RIN2: variants seen among roughly 807,000 people sequenced by gnomAD.
RIN2 encodes the protein Ras and Rab interactor 2.
A neutral mutation model predicts 78.0 loss-of-function variants in RIN2; 36 were observed. The observed-to-expected ratio is 0.46, with a 90% CI of 0.35 to 0.61. RIN2 has a LOEUF of 0.61. Ranked by LOEUF, RIN2 falls within the 20% of genes least tolerant of loss-of-function variation. The pLI is 0.00. For missense variants in RIN2, 1,087 were observed against 1,159.7 expected (o/e 0.94, Z 0.91); for synonymous variants, 466 against 466.8 (o/e 1.00, Z 0.02).
intron 2 of RIN2, among the ~76,000 whole-genome samples, chr20:19,853,524 C>T (rs2037061165): frequency 6.6e-6 from 1 of 152,184 alleles, no homozygotes; most frequent in Non-Finnish European, 1.5e-5. Flanking sequence ...TCCTGTTTCT[C>T]CACATCCTCT....
intron 2 of RIN2, among the ~76,000 whole-genome samples, chr20:19,883,227 G>A (rs917863497): frequency 1.3e-5 from 2 of 152,176 alleles, no homozygotes; most frequent in Non-Finnish European, 2.9e-5. Context: ...GATGCCTGCA[G>A]GGGTGGCGAA....
chr20:19,823,386 TG>T (rs35040175), intron 2 of RIN2: 226,731 of 593,482 alleles, frequency 0.38, 28,104 homozygotes, highest in Middle Eastern at 0.51. Flanking sequence ...CTGCTCTGCC[TG>T]CTTTTTTTTT....
chr20:19,980,444 C>G (rs1468527097), intron 9 of RIN2, among the ~76,000 whole-genome samples: 2 of 152,158 alleles, frequency 1.3e-5, no homozygotes, highest in African/African-American at 4.8e-5. Context: ...TGACAGCCTG[C>G]ACAAGGGGGC....
chr20:19,986,468 C>T (rs889885217), intron 9 of RIN2, among the ~76,000 whole-genome samples: 1 of 152,082 alleles, frequency 6.6e-6, no homozygotes, highest in Non-Finnish European at 1.5e-5. Context: ...TTTCAGAAAA[C>T]GGGCTACTCC....
At chr20:19,885,772 A>G (rs1163543100) in intron 2 of RIN2, among the ~76,000 whole-genome samples, 1 of 152,198 alleles carries the variant, frequency 6.6e-6, no homozygotes, top group Non-Finnish European at 1.5e-5. Flanking sequence ...AAAAAAAAGC[A>G]TATGAGGTAA....
At chr20:19,760,504 C>A (rs1002284499) in intron 1 of RIN2, among the ~76,000 whole-genome samples, 2 of 152,154 alleles carry the variant, frequency 1.3e-5, no homozygotes, top group East Asian at 3.9e-4. Context: ...CTTATCCCCA[C>A]CCAAGGTGTC....
At chr20:19,893,969 G>A (rs553773446) in intron 3 of RIN2, among the ~76,000 whole-genome samples, 11 of 152,264 alleles carry the variant, frequency 7.2e-5, no homozygotes, top group East Asian at 5.8e-4. Context: ...CTACTCAGGA[G>A]GCTGAGGCAG....
chr20:19,911,690 G>C (rs934693322), intron 3 of RIN2, among the ~76,000 whole-genome samples: 1 of 152,030 alleles, frequency 6.6e-6, no homozygotes, highest in Admixed American at 6.6e-5. Context: ...GCATTTAGTT[G>C]TCATGATTCT....
At chr20:19,920,973 G>A (rs763067695) in intron 3 of RIN2, among the ~76,000 whole-genome samples, 7 of 147,998 alleles carry the variant, frequency 4.7e-5, no homozygotes, top group East Asian at 2.0e-4. Flanking sequence ...ATGCCCAGCC[G>A]AAACAGTTTT....
chr20:19,840,676 AC>A, intron 2 of RIN2, among the ~76,000 whole-genome samples: 1 of 152,284 alleles, frequency 6.6e-6, no homozygotes, highest in South Asian at 2.1e-4. Context: ...TGCTGGGAGA[AC>A]ATCTTCATCC....
Position 19,990,113 on chromosome 20 carries a change from C to T in RIN2, c.1870C>T (p.Leu624Phe), listed in dbSNP as rs775925310. 1.2e-6 allele frequency: 2 copies of T among 1,601,618 alleles called. No individual in the cohort carries two copies. Among genetic ancestry groups the T allele is most frequent in the East Asian group, 2.3e-5 (1 of 44,402 alleles). Residue 624 changes from leucine to phenylalanine, a missense_variant, in exon 10 of 13, where the codon CTC becomes TTC. This residue lies in a region of RIN2 where 97 missense variants were observed against 104.8 expected (regional missense o/e 0.93). Transcript: ENST00000255006. ...FHMADGSWKQ[L>F]KENLQLVRQR... ...CATGGCCGATGGCTCATGGAAGCAA[C>T]TCAAGGAGAACCTGCAGCTTGTGCG...
Position 19,974,971 on chromosome 20 carries a change from A to G in RIN2, c.946A>G (p.Ile316Val), listed in dbSNP as rs910245917. 9.5e-6 allele frequency: 15 copies of G among 1,579,748 alleles called. No individual in the cohort carries two copies. The highest frequency in any genetic ancestry group is 1.3e-5 in the Non-Finnish European group (15 of 1,160,204). The part of the protein sequence containing the change: ...SPPPRPPPPA[I>V]NSLHTSPRLA... ...CCCACCCAGGCCCCCGCCACCCGCT[A>G]TTAATAGTCTCCACACAAGCCCTCG... Residue 316 changes from isoleucine (I) to valine (V), a missense_variant, in exon 9 of 13, where the codon ATT becomes GTT. Ile to Val is a conservative substitution (Grantham distance 29). Transcript: ENST00000255006.
intron 9 of RIN2, among the ~76,000 whole-genome samples, chr20:19,984,284 A>G (rs1346943461): frequency 6.6e-6 from 1 of 152,126 alleles, no homozygotes; most frequent in Non-Finnish European, 1.5e-5. Flanking sequence ...ATCATAGAGT[A>G]CTTACACAAA....
At chr20:19,962,061 G>C (rs1287373129) in intron 6 of RIN2, among the ~76,000 whole-genome samples, 1 of 151,908 alleles carries the variant, frequency 6.6e-6, no homozygotes, top group Non-Finnish European at 1.5e-5. Context: ...AGCACTTTGG[G>C]AGGCCAAGGC....
chr20:19,910,838 G>A (rs1174533564), intron 3 of RIN2, among the ~76,000 whole-genome samples: 1 of 152,138 alleles, frequency 6.6e-6, no homozygotes, highest in Non-Finnish European at 1.5e-5. Flanking sequence ...AAAGTGCTGG[G>A]ATTACAGGCG....
intron 3 of RIN2, among the ~76,000 whole-genome samples, chr20:19,911,649 A>T (rs1462376410): frequency 1.3e-5 from 2 of 152,166 alleles, no homozygotes; most frequent in Non-Finnish European, 2.9e-5. Context: ...ATGTCCTTAT[A>T]CTATTTCTTT....
At chr20:19,809,715 G>C (rs2035527676) in intron 2 of RIN2, 1 of 152,284 alleles carries the variant, frequency 6.6e-6, no homozygotes, top group Non-Finnish European at 1.5e-5. Flanking sequence ...TGTTCTGCCT[G>C]ATCTCCACCG....
At chr20:19,762,790 T>G (rs1340577840) in intron 1 of RIN2, among the ~76,000 whole-genome samples, 2 of 149,336 alleles carry the variant, frequency 1.3e-5, no homozygotes, top group Non-Finnish European at 3.0e-5. Context: ...AGAGATAGAG[T>G]TTCGCTCTTG....
At chr20:19,788,450 C>CAAAAAAA (rs908072671) in intron 1 of RIN2, among the ~76,000 whole-genome samples, 2 of 103,518 alleles carry the variant, frequency 1.9e-5, no homozygotes, top group African/African-American at 5.9e-5. Flanking sequence ...AAAAAAAAAA[C>CAAAAAAA]AACTAGCTAG....
Sources: gnomAD v4.1 joint callset for allele counts (sites outside exome capture counted in the v4.1 genomes callset) on GRCh38, gnomAD v4.1.1 for gene constraint, gnomAD v4.1.1 regional missense constraint, MANE v1.5 for transcripts, NCBI Gene and HGNC (gene_info 2026-07-23, HGNC 2026-07-21) for gene names.